FGF12: variants seen among roughly 807,000 people sequenced by gnomAD.
The protein encoded by FGF12 is fibroblast growth factor 12B.
A neutral mutation model predicts 23.6 loss-of-function variants in FGF12; 14 were observed. The ratio of observed to expected loss-of-function variants is 0.59; its 90% confidence interval spans 0.39 to 0.93. FGF12 has a LOEUF of 0.93. Among genes scored for constraint, FGF12 ranks in the 40% least tolerant of loss-of-function variants. FGF12 has a pLI of 0.00. For synonymous variants in FGF12, 62 were observed against 77.3 expected (o/e 0.80, Z 1.04); for missense variants, 175 against 217.8 (o/e 0.80, Z 1.24).
intron 2 of FGF12, among the ~76,000 whole-genome samples, chr3:192,470,852 C>T (rs537809556): frequency 1.3e-5 from 2 of 152,256 alleles, no homozygotes; most frequent in African/African-American, 4.8e-5. Context: ...ACAAATGAAG[C>T]ATGACCTCCT....
At chr3:192,428,315 G>C (rs951427934) in intron 2 of FGF12, among the ~76,000 whole-genome samples, 1 of 152,150 alleles carries the variant, frequency 6.6e-6, no homozygotes, top group South Asian at 2.1e-4. Flanking sequence ...AATTAAAGGT[G>C]TGTTAGAGGG....
chr3:192,371,088 T>C (rs1421582773), intron 2 of FGF12, among the ~76,000 whole-genome samples: 2 of 152,172 alleles, frequency 1.3e-5, no homozygotes, highest in Admixed American at 1.3e-4. Flanking sequence ...CCCAGAGAAG[T>C]AGACCTGGAA....
At chr3:192,647,727 A>G (rs1447609692) in intron 2 of FGF12, among the ~76,000 whole-genome samples, 4 of 146,792 alleles carry the variant, frequency 2.7e-5, no homozygotes, top group Non-Finnish European at 4.5e-5. Context: ...ATATATACAC[A>G]TATATACATA....
chr3:192,715,531 C>T (rs1328001651), intron 2 of FGF12, among the ~76,000 whole-genome samples: 1 of 152,178 alleles, frequency 6.6e-6, no homozygotes, highest in East Asian at 1.9e-4. Context: ...AGTTCAAATG[C>T]CAACTCCTTC....
intron 2 of FGF12, among the ~76,000 whole-genome samples, chr3:192,406,069 A>G (rs1451029538): frequency 6.6e-6 from 1 of 151,446 alleles, no homozygotes; most frequent in African/African-American, 2.4e-5. Flanking sequence ...GTAGAACAAA[A>G]AGGGAGGCAA....
In FGF12 at chr3:192,444,801, A is replaced by T. The variant is rs141093696; in HGVS notation, c.14-84263T>A. Among the ~76,000 whole-genome samples the T allele has an allele frequency of 1.5e-4, 23 of 152,294 alleles. 1 individual carries two copies. The highest frequency in any genetic ancestry group is 1.5e-5 in the Non-Finnish European group (1 of 68,024). ...AGAATTGTATTTTTAAATGGCTTGA[A>T]CACCTTCCAGTCAGTGAAGCGAAGC... On this transcript the variant is annotated intron_variant, in intron 2 of 5. Transcript: ENST00000445105.
chr3:192,168,843 G>C (rs2108616208), intron 5 of FGF12, among the ~76,000 whole-genome samples: 1 of 152,292 alleles, frequency 6.6e-6, no homozygotes, highest in South Asian at 2.1e-4. Context: ...CAAATTTAAT[G>C]TCATAATTTC....
intron 2 of FGF12, among the ~76,000 whole-genome samples, chr3:192,487,965 C>T (rs188295341): frequency 1.5e-3 from 231 of 152,194 alleles, no homozygotes; most frequent in African/African-American, 5.4e-3. Context: ...ATGAGACATG[C>T]AGCACAATAT....
At chr3:192,716,916 T>C (rs988462983) in intron 2 of FGF12, among the ~76,000 whole-genome samples, 2 of 152,190 alleles carry the variant, frequency 1.3e-5, no homozygotes, top group African/African-American at 4.8e-5. Flanking sequence ...AGAACAGTTA[T>C]TCAATGTGAG....
intron 2 of FGF12, among the ~76,000 whole-genome samples, chr3:192,439,833 C>T (rs1204459392): frequency 3.3e-5 from 5 of 151,800 alleles, no homozygotes; most frequent in Admixed American, 1.3e-4. Flanking sequence ...AAAATTTAGC[C>T]GGGTGTGGTG....
intron 2 of FGF12, among the ~76,000 whole-genome samples, chr3:192,567,438 G>T (rs1284141708): frequency 6.6e-6 from 1 of 152,102 alleles, no homozygotes; most frequent in African/African-American, 2.4e-5. Flanking sequence ...GATTATTATA[G>T]AAAGCTTAAC....
chr3:192,536,410 C>T (rs1725223221), intron 2 of FGF12, among the ~76,000 whole-genome samples: 1 of 152,068 alleles, frequency 6.6e-6, no homozygotes, highest in African/African-American at 2.4e-5. Flanking sequence ...AAACAACAAA[C>T]CAACAAATAT....
chr3:192,301,744 G>A (rs143208325), intron 4 of FGF12, among the ~76,000 whole-genome samples: 1 of 152,220 alleles, frequency 6.6e-6, no homozygotes, highest in East Asian at 1.9e-4. Flanking sequence ...TTAGTATTTT[G>A]AATTATGACA....
intron 2 of FGF12, among the ~76,000 whole-genome samples, chr3:192,723,759 T>C (rs886302915): frequency 8.6e-5 from 13 of 151,742 alleles, no homozygotes; most frequent in African/African-American, 2.9e-4. Flanking sequence ...TCTACAGGTG[T>C]TTCTATAGGT....
intron 2 of FGF12, among the ~76,000 whole-genome samples, chr3:192,473,112 C>T (rs1336597958): frequency 2.0e-5 from 3 of 152,130 alleles, no homozygotes; most frequent in Non-Finnish European, 4.4e-5. Flanking sequence ...GTTTACTCAT[C>T]TTTGTAATTC....
rs766523692 is a variant in FGF12, at chr3:192,148,634, GCAAA to G, written c.428-4511_428-4508del. Among the ~76,000 whole-genome samples, 69 of 152,222 alleles carry G rather than the reference GCAAA, an allele frequency of 4.5e-4. No individual in the cohort carries two copies. In the Middle Eastern group the frequency reaches 0.031, roughly 68 times the overall value. ...TATCATATTTTACCACAATTAAAAA[GCAAA>G]CAAACAAACAACTTGTCCTGAATTG... On this transcript the variant is annotated intron_variant, in intron 5 of 5. Transcript: ENST00000445105.
intron 2 of FGF12, among the ~76,000 whole-genome samples, chr3:192,561,389 GTCTCGC>G (rs1477764372): frequency 6.6e-6 from 1 of 151,528 alleles, no homozygotes; most frequent in African/African-American, 2.4e-5. Context: ...TTGAGACAGA[GTCTCGC>G]TCTTTCACCC....
At chr3:192,513,892 C>CT (rs1190299882) in intron 2 of FGF12, among the ~76,000 whole-genome samples, 1 of 152,110 alleles carries the variant, frequency 6.6e-6, no homozygotes, top group Non-Finnish European at 1.5e-5. Context: ...TTTTAAAGAA[C>CT]TTTATAAACA....
chr3:192,488,962 G>T (rs934935681), intron 2 of FGF12, among the ~76,000 whole-genome samples: 1 of 151,856 alleles, frequency 6.6e-6, no homozygotes, highest in Non-Finnish European at 1.5e-5. Context: ...ACCAAATTGG[G>T]GCTATTTTGG....
Sources: allele counts gnomAD v4.1 joint callset (sites outside exome capture counted in the v4.1 genomes callset), GRCh38; gene constraint gnomAD v4.1.1; transcripts MANE v1.5; gene names NCBI Gene and HGNC (gene_info 2026-07-23, HGNC 2026-07-21).